Variants in JAZF1 observed in about 807,000 individuals in gnomAD.
JAZF1 encodes juxtaposed with another zinc finger protein 1.
In JAZF1, 8 loss-of-function variants were observed where a neutral mutation model predicts 26.4. The ratio of observed to expected loss-of-function variants is 0.30; its 90% confidence interval spans 0.18 to 0.55. The LOEUF is 0.55. Ranked by LOEUF, JAZF1 falls within the 20% of genes least tolerant of loss-of-function variation. JAZF1 has a pLI of 0.94. For synonymous variants in JAZF1, 126 were observed against 122.3 expected, an observed-to-expected ratio of 1.03 and a Z score of -0.20; for missense variants, 199 against 322.0, an observed-to-expected ratio of 0.62 and a Z score of 2.92.
intron 2 of JAZF1, among the ~76,000 whole-genome samples, chr7:27,900,012 C>T (rs906971899): frequency 1.3e-5 from 2 of 152,156 alleles, no homozygotes; most frequent in African/African-American, 4.8e-5. Flanking sequence ...AAAGGCTCAT[C>T]CTCTCAATGT....
At chr7:27,963,103 G>C (rs1364755127) in intron 2 of JAZF1, among the ~76,000 whole-genome samples, 1 of 152,130 alleles carries the variant, frequency 6.6e-6, no homozygotes, top group East Asian at 1.9e-4. Context: ...TTAATTCTTT[G>C]GGATGGATTT....
chr7:27,931,645 G>A (rs1040758874), intron 2 of JAZF1, among the ~76,000 whole-genome samples: 2 of 152,022 alleles, frequency 1.3e-5, no homozygotes, highest in Non-Finnish European at 2.9e-5. Context: ...GTGAAACCCC[G>A]TCTCTACTAA....
intron 2 of JAZF1, among the ~76,000 whole-genome samples, chr7:27,898,262 A>AGT (rs1032002484): frequency 3.3e-4 from 48 of 143,854 alleles, no homozygotes; most frequent in South Asian, 2.2e-3. Context: ...AGGCAGAGAG[A>AGT]GAAAGGCTTC....
intron 1 of JAZF1, among the ~76,000 whole-genome samples, chr7:28,056,577 C>G (rs1015178423): frequency 2.6e-5 from 4 of 152,132 alleles, no homozygotes; most frequent in Non-Finnish European, 1.5e-5. Flanking sequence ...CCTTAAGAAT[C>G]ACATCCACCA....
chr7:27,860,231 A>G (rs1183408337), intron 3 of JAZF1, among the ~76,000 whole-genome samples: 1 of 152,216 alleles, frequency 6.6e-6, no homozygotes, highest in Non-Finnish European at 1.5e-5. Flanking sequence ...GATCAGAAAT[A>G]TGCTGTAGGA....
chr7:27,874,973 C>A (rs1427768485), intron 3 of JAZF1, among the ~76,000 whole-genome samples: 1 of 152,158 alleles, frequency 6.6e-6, no homozygotes, highest in Non-Finnish European at 1.5e-5. Flanking sequence ...TGGAATTTGA[C>A]TTGCTAGATT....
chr7:27,921,944 T>C (rs935687672), intron 2 of JAZF1, among the ~76,000 whole-genome samples: 2 of 152,236 alleles, frequency 1.3e-5, no homozygotes, highest in Non-Finnish European at 2.9e-5. Context: ...AAGAAGAAAT[T>C]AGAAGTCAGT....
chr7:28,056,629 AC>A (rs1247837509), intron 1 of JAZF1, among the ~76,000 whole-genome samples: 21 of 152,298 alleles, frequency 1.4e-4, no homozygotes, highest in Admixed American at 1.4e-3. Flanking sequence ...AAAAGCAAAC[AC>A]AGCTCATGAA....
Position 27,833,083 on chromosome 7 carries a change from A to G in JAZF1, c.556-107T>C, listed in dbSNP as rs965844295. ...TGCAGTTCCTGGATGGCAGCTGTTTAGAGTGTAGTCTTTTGCAAGGACTCC... is the reference window on the plus strand; with the variant it reads ...TGCAGTTCCTGGATGGCAGCTGTTTGGAGTGTAGTCTTTTGCAAGGACTCC... On this transcript the variant is annotated intron_variant, in intron 4 of 4. Coordinates refer to ENST00000283928, the MANE Select transcript of JAZF1 (RefSeq NM_175061.4). 12 of 830,154 alleles carry G rather than the reference A, an allele frequency of 1.4e-5. No individual in the cohort carries two copies. In the African/African-American group the frequency reaches 1.6e-4, roughly 11 times the overall value. 51.4% of individuals were successfully genotyped at this position (830,154 alleles called of 1,614,324 possible). A position where few individuals can be genotyped will look rare whatever the true frequency, so the allele number is the denominator to read the frequency against.
At chr7:28,157,332 A>C (rs576453510) in intron 1 of JAZF1, among the ~76,000 whole-genome samples, 1 of 152,366 alleles carries the variant, frequency 6.6e-6, no homozygotes, top group African/African-American at 2.4e-5. Flanking sequence ...AGAGCCAGAC[A>C]GTGAATATTT....
chr7:28,103,148 G>A (rs947404077), intron 1 of JAZF1, among the ~76,000 whole-genome samples: 3 of 152,072 alleles, frequency 2.0e-5, no homozygotes, highest in African/African-American at 2.4e-5. Context: ...CTTCCACCTC[G>A]GTGGTCCCTC....
At position 27,907,222 on chromosome 7, in the gene JAZF1, G is replaced by A. The variant is rs116869963; in HGVS notation, c.189-11806C>T. Among the ~76,000 whole-genome samples, 62 of 152,188 alleles carry A rather than the reference G, an allele frequency of 4.1e-4. 3 individuals carry two copies. The East Asian group carries it at 0.011, about 28-fold the overall frequency. On this transcript the variant is annotated intron_variant, in intron 2 of 4. Transcript: ENST00000283928. The stretch of plus-strand genomic sequence containing the variant: ...CTTGGGGTCCTCCTTATAAAACAGA[G>A]GTAATCCTAACACCTACCTCATGGG...
intron 1 of JAZF1, among the ~76,000 whole-genome samples, chr7:28,073,021 A>G (rs940856137): frequency 6.6e-6 from 1 of 152,214 alleles, no homozygotes; most frequent in Non-Finnish European, 1.5e-5. Flanking sequence ...GCCTTGCCTC[A>G]GTATGAAAAT....
chr7:28,107,647 A>G (rs1029152019), intron 1 of JAZF1, among the ~76,000 whole-genome samples: 3 of 152,218 alleles, frequency 2.0e-5, no homozygotes, highest in Non-Finnish European at 4.4e-5. Context: ...AGTCAACCCA[A>G]GGCACATACA....
chr7:27,915,298 A>G (rs1007352740), intron 2 of JAZF1, among the ~76,000 whole-genome samples: 1 of 152,190 alleles, frequency 6.6e-6, no homozygotes, highest in East Asian at 1.9e-4. Flanking sequence ...TCCATTTAAT[A>G]TGGTAATTAT....
intron 1 of JAZF1, among the ~76,000 whole-genome samples, chr7:27,997,620 A>G (rs1259227177): frequency 6.6e-6 from 1 of 152,136 alleles, no homozygotes; most frequent in African/African-American, 2.4e-5. Context: ...CTGGAGTGCA[A>G]TGGTGGAATC....
intron 2 of JAZF1, among the ~76,000 whole-genome samples, chr7:27,961,756 A>T (rs1443824503): frequency 6.6e-6 from 1 of 152,218 alleles, no homozygotes; most frequent in African/African-American, 2.4e-5. Context: ...TGTCATTTAA[A>T]CAGTTCCAGT....
intron 3 of JAZF1, among the ~76,000 whole-genome samples, chr7:27,893,806 C>T (rs1784014251): frequency 6.6e-6 from 1 of 152,226 alleles, no homozygotes; most frequent in South Asian, 2.1e-4. Context: ...CTATTCACTC[C>T]TGCCCAAGGA....
intron 2 of JAZF1, among the ~76,000 whole-genome samples, chr7:27,921,716 G>A (rs144941781): frequency 6.2e-4 from 95 of 152,030 alleles, no homozygotes; most frequent in Middle Eastern, 3.4e-3. Flanking sequence ...AAAAATACAG[G>A]GCTCTGAACT....
Sources: allele counts gnomAD v4.1 joint callset (sites outside exome capture counted in the v4.1 genomes callset), GRCh38; gene constraint gnomAD v4.1.1; transcripts MANE v1.5; gene names NCBI Gene and HGNC (gene_info 2026-07-23, HGNC 2026-07-21).